Variants in SMOC2 observed in about 807,000 individuals in gnomAD.
SMOC2 encodes the protein SPARC related modular calcium binding 2.
Under a neutral mutation model 61.4 loss-of-function variants are expected in SMOC2, and 39 were observed. The observed-to-expected ratio is 0.64, with a 90% CI of 0.49 to 0.83. The LOEUF is 0.83. Ranked by LOEUF, SMOC2 falls within the 40% of genes least tolerant of loss-of-function variation. The pLI is 0.00. For synonymous variants in SMOC2, 247 were observed against 239.9 expected (o/e 1.03, Z -0.27); for missense variants, 556 against 592.9 (o/e 0.94, Z 0.65).
rs551618517 is a variant in SMOC2 at position 168,508,007 on chromosome 6, T to G, written c.85-1908T>G. On this transcript the variant is annotated intron_variant, in intron 1 of 12. Coordinates refer to ENST00000356284, the MANE Select transcript of SMOC2 (RefSeq NM_001166412.2). ...CCAAAACACACAGGCTTACCTGTTC[T>G]TAGCCACACCTGCCACTGTCACGGT... Among the ~76,000 whole-genome samples, 101 of 152,260 alleles carry G rather than the reference T, an allele frequency of 6.6e-4. No homozygotes were observed. The East Asian group carries it at 7.8e-3, about 12-fold the overall frequency.
At chr6:168,563,910 C>T (rs1784483765) in intron 7 of SMOC2, among the ~76,000 whole-genome samples, 1 of 152,074 alleles carries the variant, frequency 6.6e-6, no homozygotes, top group Non-Finnish European at 1.5e-5. Context: ...CTTCAGGGGC[C>T]TGCAGGGGGC....
intron 9 of SMOC2, among the ~76,000 whole-genome samples, chr6:168,633,637 G>T (rs1284246853): frequency 1.3e-5 from 2 of 152,172 alleles, no homozygotes; most frequent in Non-Finnish European, 2.9e-5. Flanking sequence ...GAAGAAGTGA[G>T]TCCTCCTTGC....
chr6:168,588,200 T>A (rs1481953781), intron 7 of SMOC2, among the ~76,000 whole-genome samples: 1 of 149,024 alleles, frequency 6.7e-6, no homozygotes, highest in Non-Finnish European at 1.5e-5. Context: ...CTCGGCTCAC[T>A]GTAACCTCTG....
intron 1 of SMOC2, among the ~76,000 whole-genome samples, chr6:168,508,305 G>C (rs1782923148): frequency 6.6e-6 from 1 of 152,182 alleles, no homozygotes; most frequent in Non-Finnish European, 1.5e-5. Flanking sequence ...GGTCACCGTA[G>C]TTCCTGCAAA....
rs1787685526 is a variant in SMOC2 at position 168,667,290 on chromosome 6, T to A, written c.*852T>A. 6.6e-6 allele frequency: 1 copy of A among 152,182 alleles called. No homozygotes were observed. Among genetic ancestry groups the A allele is most frequent in the Admixed American group, 6.5e-5 (1 of 15,282 alleles). The allele number at this position is 152,182 out of a possible 1,614,324, so 9.4% of individuals were successfully genotyped here. A position where few individuals can be genotyped will look rare whatever the true frequency, so the allele number is the denominator to read the frequency against. On this transcript the variant is annotated 3_prime_UTR_variant, in exon 13 of 13. Transcript: ENST00000356284. ...CTGGTTTTCCTCCTACACGTGGACA[T>A]TATTCTCCTGATCCTCCTACCTGGT... is the stretch of plus-strand genomic sequence containing the variant.
intron 9 of SMOC2, among the ~76,000 whole-genome samples, chr6:168,620,824 A>G (rs1353313627): frequency 6.6e-6 from 1 of 152,230 alleles, no homozygotes; most frequent in Non-Finnish European, 1.5e-5. Flanking sequence ...GAATAAAGGC[A>G]AGACTAATAG....
intron 8 of SMOC2, among the ~76,000 whole-genome samples, chr6:168,599,500 ACT>A (rs1785456435): frequency 3.6e-5 from 2 of 55,996 alleles, no homozygotes; most frequent in South Asian, 7.6e-4. Context: ...CCACACACCC[ACT>A]GACACTCACA....
intron 7 of SMOC2, among the ~76,000 whole-genome samples, chr6:168,552,923 T>A (rs1784162990): frequency 6.7e-6 from 1 of 149,484 alleles, no homozygotes; most frequent in African/African-American, 2.5e-5. Context: ...AGGAGGTGAG[T>A]GACGGCACTT....
chr6:168,464,201 AAG>A (rs1554281677), intron 1 of SMOC2, among the ~76,000 whole-genome samples: 4 of 150,940 alleles, frequency 2.7e-5, no homozygotes, highest in Admixed American at 6.6e-5. Context: ...AAAAAAAAAA[AAG>A]AGGAAGGAAG....
At chr6:168,479,683 T>A in intron 1 of SMOC2, among the ~76,000 whole-genome samples, 1 of 152,180 alleles carries the variant, frequency 6.6e-6, no homozygotes, top group East Asian at 1.9e-4. Flanking sequence ...TTTGTGAGAA[T>A]CAGAGTGCGG....
At chr6:168,527,323 AC>A (rs1783478715) in intron 3 of SMOC2, among the ~76,000 whole-genome samples, 1 of 152,022 alleles carries the variant, frequency 6.6e-6, no homozygotes, top group African/African-American at 2.4e-5. Flanking sequence ...CAGTTTCCCC[AC>A]TCATAAGATG....
intron 1 of SMOC2, among the ~76,000 whole-genome samples, chr6:168,448,555 G>A (rs986664268): frequency 1.7e-4 from 26 of 150,100 alleles, no homozygotes; most frequent in African/African-American, 6.1e-4. Context: ...GGACGGAGAT[G>A]GGGAGGAGGA....
In SMOC2 at chr6:168,535,431, C is replaced by T. The variant is rs1052897913; in HGVS notation, c.463+7704C>T. Among the ~76,000 whole-genome samples the T allele has an allele frequency of 1.3e-5, 2 of 152,062 alleles. No homozygotes were observed. The highest frequency in any genetic ancestry group is 2.9e-5 in the Non-Finnish European group (2 of 68,040). On this transcript the variant is annotated intron_variant, in intron 4 of 12. Coordinates refer to ENST00000356284, the MANE Select transcript of SMOC2 (RefSeq NM_001166412.2). This position sits in a 1 kb window ranked among gnomAD's most constrained non-coding sequence, Gnocchi z 4.6. The stretch of plus-strand genomic sequence containing the variant: ...GAAACTATTAAAATGTTGTGTGGCC[C>T]TTTAGCAAGAGTGATACAGCTGTAC...
chr6:168,578,075 A>G (rs148674511), intron 7 of SMOC2, among the ~76,000 whole-genome samples: 2,500 of 152,360 alleles, frequency 0.016, 42 homozygotes, highest in Middle Eastern at 0.034. Flanking sequence ...ACCCAGGTAC[A>G]ATGACACCAG....
intron 7 of SMOC2, among the ~76,000 whole-genome samples, chr6:168,566,820 G>GA (rs1025135321): frequency 6.6e-6 from 1 of 152,156 alleles, no homozygotes; most frequent in African/African-American, 2.4e-5. Flanking sequence ...TTCTAATGCA[G>GA]AGTTAGACTT....
At chr6:168,615,154 C>CAT (rs1786036126) in intron 9 of SMOC2, among the ~76,000 whole-genome samples, 1 of 57,534 alleles carries the variant, frequency 1.7e-5, no homozygotes, top group Non-Finnish European at 3.4e-5. Flanking sequence ...GGGGCCTCTT[C>CAT]ACACCTACAG....
intron 7 of SMOC2, among the ~76,000 whole-genome samples, chr6:168,581,944 C>A (rs1487087207): frequency 6.6e-6 from 1 of 152,202 alleles, no homozygotes. Flanking sequence ...CTCTGACCCC[C>A]CTTTCCAAGG....
intron 1 of SMOC2, among the ~76,000 whole-genome samples, chr6:168,448,470 CAAGGAA>C (rs1781382785): frequency 1.0e-5 from 1 of 97,136 alleles, no homozygotes; most frequent in African/African-American, 4.6e-5. Flanking sequence ...ACGGAGATGG[CAAGGAA>C]GATGGGGATG....
chr6:168,471,367 ACCTGGCATAATGGC>A (rs1226640627), intron 1 of SMOC2, among the ~76,000 whole-genome samples: 63 of 152,308 alleles, frequency 4.1e-4, no homozygotes, highest in Non-Finnish European at 5.9e-5. Flanking sequence ...GGCTTACTTC[ACCTGGCATAATGGC>A]CTCAAGGTTC....
Sources: allele counts gnomAD v4.1 joint callset (sites outside exome capture counted in the v4.1 genomes callset), GRCh38; gene constraint gnomAD v4.1.1; non-coding constraint Gnocchi (gnomAD v3.1); transcripts MANE v1.5; gene names NCBI Gene and HGNC (gene_info 2026-07-23, HGNC 2026-07-21).